Variants in WDR49 observed in about 807,000 individuals in gnomAD.
WDR49 encodes the protein cilia- and flagella-associated protein 337.
A neutral mutation model predicts 119.5 loss-of-function variants in WDR49; 107 were observed. The observed-to-expected ratio is 0.90, with a 90% confidence interval of 0.77 to 1.05. WDR49 has a LOEUF of 1.05. WDR49 is among the 50% of genes least tolerant of loss of function. WDR49 has a pLI of 0.00. For missense variants in WDR49, 1,240 were observed against 1,220.5 expected, an observed-to-expected ratio of 1.02 and a Z score of -0.24; for synonymous variants, 425 against 418.8, an observed-to-expected ratio of 1.01 and a Z score of -0.18.
At chr3:167,544,526 C>G (rs935416233) in intron 10 of WDR49, among the ~76,000 whole-genome samples, 1 of 151,782 alleles carries the variant, frequency 6.6e-6, no homozygotes, top group Non-Finnish European at 1.5e-5. Context: ...AATAGAGAAC[C>G]CAGAAATAAA....
At chr3:167,543,659 C>T (rs1451395457) in intron 10 of WDR49, among the ~76,000 whole-genome samples, 2 of 151,984 alleles carry the variant, frequency 1.3e-5, no homozygotes, top group Admixed American at 6.6e-5. Context: ...TAAAAGCCAT[C>T]TATGACAAAC....
chr3:167,619,827 A>G (rs1323940266), intron 5 of WDR49, among the ~76,000 whole-genome samples: 2 of 152,182 alleles, frequency 1.3e-5, no homozygotes, highest in Non-Finnish European at 2.9e-5. Flanking sequence ...TAAAATTAAG[A>G]TATTTTATGA....
At chr3:167,519,616 A>T (rs1752352384) in intron 16 of WDR49, among the ~76,000 whole-genome samples, 1 of 150,546 alleles carries the variant, frequency 6.6e-6, no homozygotes, top group African/African-American at 2.4e-5. Context: ...GGGGAACAAC[A>T]CACACTGGAA....
At chr3:167,504,669 C>T (rs1436718343) in intron 17 of WDR49, among the ~76,000 whole-genome samples, 1 of 152,070 alleles carries the variant, frequency 6.6e-6, no homozygotes, top group Non-Finnish European at 1.5e-5. Flanking sequence ...TTTTATTTTT[C>T]AATGGGAGAA....
intron 7 of WDR49, among the ~76,000 whole-genome samples, chr3:167,593,166 GTTA>G (rs1400364708): frequency 6.6e-6 from 1 of 152,016 alleles, no homozygotes; most frequent in Non-Finnish European, 1.5e-5. Flanking sequence ...GAAGTTCTCT[GTTA>G]TTATCCCTTT....
chr3:167,632,941 A>G (rs1332913919), intron 2 of WDR49, among the ~76,000 whole-genome samples: 2 of 152,060 alleles, frequency 1.3e-5, no homozygotes, highest in South Asian at 4.1e-4. Flanking sequence ...TTTAATGTAC[A>G]TATGGCACAT....
At chr3:167,564,474 T>A (rs957348052) in intron 8 of WDR49, among the ~76,000 whole-genome samples, 5 of 152,226 alleles carry the variant, frequency 3.3e-5, no homozygotes, top group Non-Finnish European at 5.9e-5. Context: ...GCAAGTTGTT[T>A]TCATCAGCAA....
intron 16 of WDR49, among the ~76,000 whole-genome samples, chr3:167,505,796 AT>A (rs1751748155): frequency 6.6e-6 from 1 of 152,226 alleles, no homozygotes; most frequent in Non-Finnish European, 1.5e-5. Flanking sequence ...AAGCTTATTT[AT>A]TCAGTGTTAG....
chr3:167,536,850 C>G lies in WDR49; in HGVS notation c.1954+20G>C, dbSNP rs1228165871. Reference sequence around the variant, plus strand: ...CAAATCAAACTTCACCAATGATTGTCAAGTGAAAGTTCAATTTACCCGTAA... The same window carrying G: ...CAAATCAAACTTCACCAATGATTGTGAAGTGAAAGTTCAATTTACCCGTAA... On this transcript the variant is annotated intron_variant, in intron 11 of 18. Transcript: ENST00000682715. The G allele has an allele frequency of 6.8e-7, 1 of 1,467,800 alleles. No homozygotes were observed. Among genetic ancestry groups the G allele is most frequent in the African/African-American group, 1.4e-5 (1 of 69,322 alleles). 90.9% of individuals were successfully genotyped at this position (1,467,800 alleles called of 1,614,324 possible). A position where few individuals can be genotyped will look rare whatever the true frequency, so the allele number is the denominator to read the frequency against.
intron 2 of WDR49, among the ~76,000 whole-genome samples, chr3:167,644,057 CTTT>C (rs1202109148): frequency 5.1e-5 from 7 of 137,098 alleles, no homozygotes; most frequent in Non-Finnish European, 6.3e-5. Context: ...CAATCCCCAC[CTTT>C]TTTTTTTTTT....
chr3:167,494,186 G>A (rs943117884), intron 18 of WDR49, among the ~76,000 whole-genome samples: 2 of 152,126 alleles, frequency 1.3e-5, no homozygotes, highest in African/African-American at 4.8e-5. Flanking sequence ...AAAATAAACT[G>A]AGACTGAATA....
At chr3:167,573,090 G>A (rs192249758) in intron 8 of WDR49, among the ~76,000 whole-genome samples, 195 of 152,236 alleles carry the variant, frequency 1.3e-3, no homozygotes, top group African/African-American at 4.5e-3. Flanking sequence ...GCCCTCTTTG[G>A]TATGGGGGAC....
intron 8 of WDR49, chr3:167,566,821 T>G: frequency 1.6e-6 from 1 of 638,014 alleles, no homozygotes; most frequent in Non-Finnish European, 2.8e-6. Context: ...AAAGAGAAAA[T>G]ATACTTACTA....
At chr3:167,610,225 A>C (rs754602976) in intron 5 of WDR49, among the ~76,000 whole-genome samples, 6 of 151,660 alleles carry the variant, frequency 4.0e-5, no homozygotes, top group African/African-American at 9.8e-5. Context: ...TAGAGTACCC[A>C]AGGCAGGCTC....
chr3:167,522,064 G>A (rs1199826349), intron 16 of WDR49, among the ~76,000 whole-genome samples: 1 of 152,022 alleles, frequency 6.6e-6, no homozygotes, highest in Non-Finnish European at 1.5e-5. Flanking sequence ...GATTGATGAT[G>A]GAGTAGCAGT....
chr3:167,491,352 C>T (rs567067768), intron 18 of WDR49, among the ~76,000 whole-genome samples: 61 of 152,114 alleles, frequency 4.0e-4, no homozygotes, highest in Non-Finnish European at 6.6e-4. Context: ...AATCTCTCTA[C>T]ATTTTCATGT....
At position 167,653,464 on chromosome 3, in the gene WDR49, T is replaced by C. The variant is rs1427413945; in HGVS notation, c.-39A>G. On this transcript the variant is annotated 5_prime_UTR_variant, in exon 2 of 19. It adds an upstream start codon to the 5' untranslated region. Transcript: ENST00000682715. The stretch of plus-strand genomic sequence containing the variant: ...TTTCTCAGTTGCCTTCAACTATTTC[T>C]ATAAGGATGGATCTTCTTTTTCCTT... 1 of 1,442,930 alleles carries C rather than the reference T, an allele frequency of 6.9e-7. No individual in the cohort carries two copies. Among genetic ancestry groups the C allele is most frequent in the Admixed American group, 2.8e-5 (1 of 35,206 alleles). The allele number at this position is 1,442,930 out of a possible 1,614,324, so 89.4% of individuals were successfully genotyped here. A position where few individuals can be genotyped will look rare whatever the true frequency, so the allele number is the denominator to read the frequency against.
Position 167,653,349 on chromosome 3 carries a change from C to T in WDR49, c.77G>A (p.Gly26Asp). 6.5e-7 allele frequency: 1 copy of T among 1,536,128 alleles called. No homozygotes were observed. The change falls in exon 2 of 19, where the codon GGT becomes GAT. Residue 26 changes from glycine to aspartate, a missense_variant. Physicochemically the swap from Gly to Asp is moderately conservative, Grantham distance 94 (BLOSUM62 -1). Coordinates refer to ENST00000682715, the MANE Select transcript of WDR49 (RefSeq NM_001366157.1). ...GCCATAGTCTTCAAATGCAGTTACA[C>T]CTTCTGTTCTCTCAGGACTCTTTGG... ...LGPKSPERTEGVTAFEDYGTG... is the reference protein window; with the variant it reads ...LGPKSPERTEDVTAFEDYGTG...
intron 16 of WDR49, among the ~76,000 whole-genome samples, chr3:167,505,852 A>G (rs903945407): frequency 3.9e-5 from 6 of 152,238 alleles, no homozygotes; most frequent in African/African-American, 1.4e-4. Flanking sequence ...AAAGAAGTTC[A>G]GTATTTCTGA....
Sources: allele counts gnomAD v4.1 joint callset (sites outside exome capture counted in the v4.1 genomes callset), GRCh38; gene constraint gnomAD v4.1.1; transcripts MANE v1.5; gene names NCBI Gene and HGNC (gene_info 2026-07-23, HGNC 2026-07-21).